Variants in FER observed in about 807,000 individuals in gnomAD.
The protein encoded by FER is FER tyrosine kinase.
Under a neutral mutation model 111.0 loss-of-function variants are expected in FER, and 63 were observed. The observed-to-expected ratio is 0.57, with a 90% CI of 0.46 to 0.70. The LOEUF (loss-of-function observed/expected upper bound fraction) is 0.70. FER is among the 30% of genes least tolerant of loss of function. The probability of loss-of-function intolerance (pLI) is 0.00; values close to 1 mark genes in which losing one functional copy is unlikely to be tolerated. For missense variants in FER, 914 were observed against 954.0 expected, an observed-to-expected ratio of 0.96 and a Z score of 0.55; for synonymous variants, 327 against 313.9, an observed-to-expected ratio of 1.04 and a Z score of -0.44.
chr5:108,798,059 T>G (rs1246124765), intron 2 of FER, 65 bp from the exon 3 acceptor site: 1 of 613,446 alleles, frequency 1.6e-6, no homozygotes, highest in Admixed American at 3.4e-5. Flanking sequence ...TATCATAACT[T>G]TTTTTTTTTT....
chr5:108,872,880 A>T (rs1168369699), intron 8 of FER, among the ~76,000 whole-genome samples: 1 of 152,184 alleles, frequency 6.6e-6, no homozygotes, highest in Non-Finnish European at 1.5e-5. Context: ...ATTAACAAAC[A>T]TTGCATGTAT....
chr5:109,002,926 T>C (rs1049299156), intron 13 of FER, among the ~76,000 whole-genome samples: 16 of 152,242 alleles, frequency 1.1e-4, no homozygotes, highest in South Asian at 8.3e-4. Flanking sequence ...TACCATCTCA[T>C]ACCAGTTAGA....
At chr5:109,155,910 T>C (rs1029924964) in intron 17 of FER, among the ~76,000 whole-genome samples, 1 of 151,978 alleles carries the variant, frequency 6.6e-6, no homozygotes, top group African/African-American at 2.4e-5. Context: ...TCTCATGATA[T>C]CTCTTGAGGA....
At chr5:109,114,189 A>G (rs1749963719) in intron 17 of FER, among the ~76,000 whole-genome samples, 1 of 152,104 alleles carries the variant, frequency 6.6e-6, no homozygotes, top group African/African-American at 2.4e-5. Flanking sequence ...TTCATTTATA[A>G]GCCATGTCTT....
At position 108,917,520 on chromosome 5, in the gene FER, T is replaced by C. The variant is rs188035058; in HGVS notation, c.1236+19672T>C. 7.9e-5 allele frequency among the ~76,000 whole-genome samples: 12 copies of C among 152,296 alleles called. No individual in the cohort carries two copies. In the East Asian group the frequency reaches 2.1e-3, roughly 27 times the overall value. On this transcript the variant is annotated intron_variant, in intron 10 of 19. Coordinates refer to ENST00000281092, the MANE Select transcript of FER (RefSeq NM_005246.4). ...TTAATTTTTGTTTGCTCTTCCTTATTGTTTTCTTGGGTGATTTTGGGGGAT... is the reference window on the plus strand; with the variant it reads ...TTAATTTTTGTTTGCTCTTCCTTATCGTTTTCTTGGGTGATTTTGGGGGAT...
chr5:108,861,963 C>T (rs1252860682), intron 5 of FER, among the ~76,000 whole-genome samples: 1 of 152,042 alleles, frequency 6.6e-6, no homozygotes, highest in African/African-American at 2.4e-5. Flanking sequence ...TTGTTTTTAC[C>T]TGCAAGGGAA....
At chr5:108,997,070 G>C (rs1369649386) in intron 13 of FER, among the ~76,000 whole-genome samples, 1 of 151,870 alleles carries the variant, frequency 6.6e-6, no homozygotes, top group African/African-American at 2.4e-5. Context: ...GTCTGTTATT[G>C]GTGTTTAGGA....
At chr5:108,794,753 C>T (rs548651614) in intron 2 of FER, among the ~76,000 whole-genome samples, 2 of 152,118 alleles carry the variant, frequency 1.3e-5, no homozygotes, top group Non-Finnish European at 2.9e-5. Context: ...AGGCTGCTGC[C>T]ACACATGTGG....
At chr5:108,775,099 T>G (rs978257873) in intron 2 of FER, among the ~76,000 whole-genome samples, 1 of 152,160 alleles carries the variant, frequency 6.6e-6, no homozygotes, top group Non-Finnish European at 1.5e-5. Context: ...CAGTTTCAGT[T>G]TTCTGCATAT....
At chr5:109,011,751 C>T (rs1419534979) in intron 13 of FER, among the ~76,000 whole-genome samples, 2 of 152,194 alleles carry the variant, frequency 1.3e-5, no homozygotes, top group South Asian at 2.1e-4. Context: ...AATAAATCTA[C>T]AGACCTGTGC....
At chr5:109,172,122 T>C (rs1413369426) in intron 17 of FER, among the ~76,000 whole-genome samples, 1 of 152,080 alleles carries the variant, frequency 6.6e-6, no homozygotes, top group Non-Finnish European at 1.5e-5. Flanking sequence ...GACCCAGCCA[T>C]CCCATTACTG....
chr5:109,115,797 T>C (rs546591151), intron 17 of FER, among the ~76,000 whole-genome samples: 2 of 152,186 alleles, frequency 1.3e-5, no homozygotes, highest in Admixed American at 1.3e-4. Flanking sequence ...CTGTTTATAA[T>C]TCAAAATTAT....
chr5:109,004,482 A>C (rs925135814), intron 13 of FER, among the ~76,000 whole-genome samples: 1 of 152,230 alleles, frequency 6.6e-6, no homozygotes, highest in African/African-American at 2.4e-5. Flanking sequence ...TGTCCACAAC[A>C]AGGAGCTGTA....
At chr5:108,965,806 A>C (rs2149683171) in intron 13 of FER, among the ~76,000 whole-genome samples, 1 of 152,332 alleles carries the variant, frequency 6.6e-6, no homozygotes, top group Non-Finnish European at 1.5e-5. Flanking sequence ...CTATGTCCCC[A>C]ACCCACATGA....
intron 10 of FER, among the ~76,000 whole-genome samples, chr5:108,923,881 A>T (rs566775863): frequency 5.9e-5 from 9 of 152,146 alleles, no homozygotes; most frequent in Admixed American, 1.3e-4. Context: ...AATAAAAAAT[A>T]AAAAAAATTA....
chr5:108,952,962 T>C (rs1213542719), intron 11 of FER, among the ~76,000 whole-genome samples: 3 of 152,198 alleles, frequency 2.0e-5, no homozygotes, highest in African/African-American at 4.8e-5. Context: ...AGATGTTACA[T>C]TGAATTTCTT....
At chr5:109,095,086 A>G in intron 16 of FER, among the ~76,000 whole-genome samples, 1 of 152,156 alleles carries the variant, frequency 6.6e-6, no homozygotes, top group East Asian at 1.9e-4. Flanking sequence ...CCAAGGAAAA[A>G]TGCAAAAGGT....
chr5:108,758,150 T>A (rs1329402421), intron 1 of FER, among the ~76,000 whole-genome samples: 1 of 152,184 alleles, frequency 6.6e-6, no homozygotes, highest in Non-Finnish European at 1.5e-5. Context: ...CAGGAAGGGA[T>A]GTGATTCTTC....
chr5:108,999,479 C>T (rs910357024), intron 13 of FER, among the ~76,000 whole-genome samples: 3 of 152,060 alleles, frequency 2.0e-5, no homozygotes, highest in Middle Eastern at 3.4e-3. Context: ...TTTTAATTTT[C>T]ACTGACACAA....
Sources: gnomAD v4.1 joint callset for allele counts (sites outside exome capture counted in the v4.1 genomes callset) on GRCh38, gnomAD v4.1.1 for gene constraint, MANE v1.5 for transcripts, NCBI Gene and HGNC (gene_info 2026-07-23, HGNC 2026-07-21) for gene names.